The following EYS variants were observed in gnomAD, a reference collection of about 807,000 sequenced individuals.
EYS encodes EGF-like photoreceptor maintenance factor, also known as protein eyes shut homolog.
In EYS, 250 loss-of-function variants were observed where a neutral mutation model predicts 282.1. The ratio of observed to expected loss-of-function variants is 0.89; its 90% CI spans 0.80 to 0.98. EYS has a LOEUF of 0.98. EYS is among the 50% of genes least tolerant of loss of function. The pLI is 0.00. For synonymous variants in EYS, 1,355 were observed against 1,282.9 expected (o/e 1.06, Z -1.20); for missense variants, 4,016 against 3,709.0 (o/e 1.08, Z -2.15).
chr6:64,749,019 C>T (rs1053543015), intron 22 of EYS, among the ~76,000 whole-genome samples: 20 of 152,292 alleles, frequency 1.3e-4, no homozygotes, highest in South Asian at 6.2e-4. Flanking sequence ...GTGATCCACC[C>T]GCCTTGGCCT....
At chr6:64,485,247 C>T (rs1582810398) in intron 26 of EYS, among the ~76,000 whole-genome samples, 1 of 151,450 alleles carries the variant, frequency 6.6e-6, no homozygotes, top group Admixed American at 6.6e-5. Flanking sequence ...TGTTAGAGAA[C>T]CCTTTAGGAT....
chr6:64,698,100 C>A (rs969634573), intron 22 of EYS, among the ~76,000 whole-genome samples: 12 of 151,854 alleles, frequency 7.9e-5, no homozygotes, highest in African/African-American at 2.9e-4. Flanking sequence ...GTGTCAACAA[C>A]ACAATTAAGA....
At chr6:63,768,582 A>G (rs1383723051) in intron 40 of EYS, among the ~76,000 whole-genome samples, 1 of 151,986 alleles carries the variant, frequency 6.6e-6, no homozygotes, top group Non-Finnish European at 1.5e-5. Flanking sequence ...AATGACAGCC[A>G]TTGGTGAGGT....
rs536842419 is a variant in EYS at position 65,321,781 on chromosome 6, G to A, written c.1766+13199C>T. Among the ~76,000 whole-genome samples the A allele has an allele frequency of 3.3e-5, 5 of 152,288 alleles. No individual in the cohort carries two copies. In the South Asian group the frequency reaches 1.0e-3, roughly 32 times the overall value. Reference sequence around the variant, plus strand: ...CAAAGATGTTGTGTGAGCTGGTAGGGGGCCTGGCCATTGCCTCAAAATCAG... The same window carrying A: ...CAAAGATGTTGTGTGAGCTGGTAGGAGGCCTGGCCATTGCCTCAAAATCAG... On this transcript the variant is annotated intron_variant, in intron 11 of 42. Transcript: ENST00000503581.
chr6:63,910,597 C>G (rs997030178), intron 35 of EYS, among the ~76,000 whole-genome samples: 1 of 152,050 alleles, frequency 6.6e-6, no homozygotes, highest in Non-Finnish European at 1.5e-5. Flanking sequence ...GGTTTTACTG[C>G]CATTGGTCTT....
At chr6:64,342,493 T>C (rs927185168) in intron 29 of EYS, among the ~76,000 whole-genome samples, 2 of 151,932 alleles carry the variant, frequency 1.3e-5, no homozygotes, top group African/African-American at 4.8e-5. Context: ...AGAAATAAAA[T>C]ACTTTACAAA....
intron 29 of EYS, among the ~76,000 whole-genome samples, chr6:64,321,619 T>G (rs1276987959): frequency 6.6e-6 from 1 of 151,888 alleles, no homozygotes; most frequent in African/African-American, 2.4e-5. Flanking sequence ...TATTTATTAG[T>G]TTCTCATAAA....
chr6:63,799,319 A>AT lies in EYS; in HGVS notation c.7411+6870dup, dbSNP rs570607891. ...ATGAGCCACCGTGCCCGGCTCCTAA[A>AT]TTTTTTTTATTACTGTATTATATAA... On this transcript the variant is annotated intron_variant, in intron 37 of 42. Transcript: ENST00000503581. Among the ~76,000 whole-genome samples, 470 of 151,702 alleles carry AT rather than the reference A, an allele frequency of 3.1e-3. 2 individuals are homozygous for AT. Among genetic ancestry groups the AT allele is most frequent in the African/African-American group, 0.011 (440 of 41,382 alleles).
chr6:64,350,346 T>C (rs995836882), intron 29 of EYS, among the ~76,000 whole-genome samples: 1 of 151,688 alleles, frequency 6.6e-6, no homozygotes, highest in Admixed American at 6.6e-5. Context: ...AAAAAGTTTA[T>C]TTTACCTAAT....
At chr6:63,986,387 A>G (rs1232061748) in intron 34 of EYS, among the ~76,000 whole-genome samples, 1 of 151,850 alleles carries the variant, frequency 6.6e-6, no homozygotes, top group Non-Finnish European at 1.5e-5. Flanking sequence ...AGCTAAAAGC[A>G]AAACTACCAT....
intron 22 of EYS, among the ~76,000 whole-genome samples, chr6:64,690,886 C>T (rs1770356965): frequency 1.3e-5 from 2 of 151,826 alleles, no homozygotes; most frequent in African/African-American, 4.8e-5. Flanking sequence ...GTAAATGATG[C>T]ATTAATGGGT....
chr6:65,317,715 A>G (rs1769329598), intron 11 of EYS, among the ~76,000 whole-genome samples: 1 of 151,860 alleles, frequency 6.6e-6, no homozygotes, highest in Admixed American at 6.6e-5. Flanking sequence ...TGTTAAGCTC[A>G]CTCACTTGGA....
chr6:65,497,306 A>T (rs537506680), intron 2 of EYS, among the ~76,000 whole-genome samples: 2 of 152,144 alleles, frequency 1.3e-5, no homozygotes, highest in South Asian at 4.1e-4. Flanking sequence ...TCAAATTGCT[A>T]TCAACAAAAT....
chr6:64,238,569 A>G (rs767593295), intron 30 of EYS, among the ~76,000 whole-genome samples: 90 of 151,982 alleles, frequency 5.9e-4, no homozygotes, highest in Non-Finnish European at 1.1e-3. Flanking sequence ...TGAGTCTCCA[A>G]TGTCCATTAT....
chr6:64,830,343 A>T (rs1313821961), intron 19 of EYS, among the ~76,000 whole-genome samples: 2 of 152,000 alleles, frequency 1.3e-5, no homozygotes, highest in Non-Finnish European at 2.9e-5. Context: ...ATACAAGGGT[A>T]AGTGATGCTG....
At chr6:64,784,826 C>T (rs1562190300) in intron 22 of EYS, among the ~76,000 whole-genome samples, 1 of 152,032 alleles carries the variant, frequency 6.6e-6, no homozygotes, top group Non-Finnish European at 1.5e-5. Context: ...ATCAGTATTG[C>T]TTTGTTCTGA....
chr6:64,167,488 C>T (rs1427775282), intron 31 of EYS, among the ~76,000 whole-genome samples: 1 of 152,076 alleles, frequency 6.6e-6, no homozygotes, highest in Non-Finnish European at 1.5e-5. Context: ...TTATTTATGG[C>T]AGACAGGTAT....
At chr6:64,080,116 A>G (rs996031094) in intron 32 of EYS, among the ~76,000 whole-genome samples, 7 of 152,166 alleles carry the variant, frequency 4.6e-5, no homozygotes, top group African/African-American at 1.4e-4. Context: ...TGGTATTTCT[A>G]GTTCTAGATC....
intron 37 of EYS, among the ~76,000 whole-genome samples, chr6:63,794,701 T>C (rs1770599630): frequency 6.6e-6 from 1 of 152,222 alleles, no homozygotes; most frequent in Admixed American, 6.5e-5. Flanking sequence ...GAGCAATTTA[T>C]ATTTTTATAT....
Sources: allele counts gnomAD v4.1 joint callset (sites outside exome capture counted in the v4.1 genomes callset), GRCh38; gene constraint gnomAD v4.1.1; transcripts MANE v1.5; gene names NCBI Gene and HGNC (gene_info 2026-07-23, HGNC 2026-07-21).